The following ZNF678 variants were observed in gnomAD, a reference collection of about 807,000 sequenced individuals.
ZNF678 encodes hypothetical protein MGC42493.
A neutral mutation model predicts 3.0 loss-of-function variants in ZNF678; 5 were observed. The ratio of observed to expected loss-of-function variants is 1.69; its 90% confidence interval spans 0.88 to 3.56. The LOEUF (loss-of-function observed/expected upper bound fraction) is 3.56. Among genes scored for constraint, ZNF678 ranks in the 30% most tolerant of loss-of-function variants. The pLI is 0.00. For missense variants in ZNF678, 593 were observed against 605.0 expected, an observed-to-expected ratio of 0.98 and a Z score of 0.21; for synonymous variants, 218 against 199.6, an observed-to-expected ratio of 1.09 and a Z score of -0.78.
At chr1:227,571,436 G>A (rs1351935095) in intron 1 of ZNF678, among the ~76,000 whole-genome samples, 1 of 152,086 alleles carries the variant, frequency 6.6e-6, no homozygotes, top group East Asian at 1.9e-4. Flanking sequence ...CCTTGACATC[G>A]GTTTATTGTA....
At chr1:227,646,219 A>G (rs1658952163) in intron 1 of ZNF678, among the ~76,000 whole-genome samples, 1 of 152,236 alleles carries the variant, frequency 6.6e-6, no homozygotes, top group Non-Finnish European at 1.5e-5. Context: ...GGCACTTCAG[A>G]TGATTTTTCC....
chr1:227,671,036 T>G (rs1428914753), intron 5 of ZNF678, among the ~76,000 whole-genome samples: 1 of 150,504 alleles, frequency 6.6e-6, no homozygotes, highest in Non-Finnish European at 1.5e-5. Context: ...CTTGGGAGGC[T>G]CCATTTGTTA....
intron 1 of ZNF678, among the ~76,000 whole-genome samples, chr1:227,579,869 A>C (rs1657082039): frequency 6.6e-6 from 1 of 152,186 alleles, no homozygotes; most frequent in Non-Finnish European, 1.5e-5. Flanking sequence ...TACTGGAGCA[A>C]GTTGAGCCTG....
downstream of ZNF678, among the ~76,000 whole-genome samples, chr1:227,678,780 C>T (rs2102824572): frequency 6.6e-6 from 1 of 152,288 alleles, no homozygotes; most frequent in Middle Eastern, 3.4e-3. Context: ...ATTGGAGTCC[C>T]TAGAGGTGTG....
chr1:227,607,025 A>T (rs1359177505), intron 1 of ZNF678, among the ~76,000 whole-genome samples: 1 of 152,190 alleles, frequency 6.6e-6, no homozygotes, highest in Non-Finnish European at 1.5e-5. Flanking sequence ...CCCCACAGAA[A>T]GTATTTGGGA....
intron 1 of ZNF678, among the ~76,000 whole-genome samples, chr1:227,572,036 C>T (rs1037699270): frequency 1.4e-4 from 21 of 151,944 alleles, no homozygotes; most frequent in African/African-American, 4.6e-4. Context: ...AGCGAGACTC[C>T]GTCTCAAAAA....
chr1:227,636,625 C>T (rs930076300), intron 1 of ZNF678, among the ~76,000 whole-genome samples: 2 of 152,178 alleles, frequency 1.3e-5, no homozygotes, highest in African/African-American at 4.8e-5. Flanking sequence ...CATCTTTTGG[C>T]TTCCTCCTAC....
chr1:227,667,171 G>A (rs1340480374), downstream of ZNF678, among the ~76,000 whole-genome samples: 4 of 151,826 alleles, frequency 2.6e-5, no homozygotes, highest in Non-Finnish European at 4.4e-5. Flanking sequence ...AGCCCCCCAA[G>A]TAGCTGGGAC....
chr1:227,656,893 C>G lies in ZNF678; in HGVS notation c.*1065C>G, dbSNP rs898897297. ...TGCCACAATAATTAACCTATACCAC[C>G]TTACCCAAAGTTGTAGGTAACAGAT... On this transcript the variant is annotated 3_prime_UTR_variant, in exon 4 of 4. Coordinates refer to ENST00000343776, the MANE Select transcript of ZNF678 (RefSeq NM_001367909.1). 2 of 151,922 alleles carry G rather than the reference C, an allele frequency of 1.3e-5. No homozygotes were observed. The highest frequency in any genetic ancestry group is 4.8e-5 in the African/African-American group (2 of 41,404). 9.4% of individuals were successfully genotyped at this position (151,922 alleles called of 1,614,324 possible). A position where few individuals can be genotyped will look rare whatever the true frequency, so the allele number is the denominator to read the frequency against.
intron 1 of ZNF678, among the ~76,000 whole-genome samples, chr1:227,644,879 T>A (rs1024929049): frequency 7.2e-5 from 11 of 152,222 alleles, no homozygotes; most frequent in East Asian, 3.9e-4. Flanking sequence ...GTACCCCATG[T>A]GATCCTAAGG....
intron 1 of ZNF678, among the ~76,000 whole-genome samples, chr1:227,574,674 A>G (rs1656943400): frequency 6.6e-6 from 1 of 151,932 alleles, no homozygotes; most frequent in African/African-American, 2.4e-5. Flanking sequence ...ATCAAATCCC[A>G]TTTGCCAATT....
intron 1 of ZNF678, among the ~76,000 whole-genome samples, chr1:227,608,196 TATCTAGCC>T (rs2102757173): frequency 6.6e-6 from 1 of 152,226 alleles, no homozygotes; most frequent in East Asian, 1.9e-4. Flanking sequence ...CAAAAAGTAT[TATCTAGCC>T]ATCTAGCCAC....
chr1:227,643,035 G>GT (rs1658860800), intron 1 of ZNF678, among the ~76,000 whole-genome samples: 1 of 152,124 alleles, frequency 6.6e-6, no homozygotes, highest in Admixed American at 6.5e-5. Flanking sequence ...TATGTGGCCT[G>GT]TTTTTTTAAA....
chr1:227,654,111 G>T (rs1230943880), intron 3 of ZNF678, among the ~76,000 whole-genome samples: 1 of 151,988 alleles, frequency 6.6e-6, no homozygotes, highest in African/African-American at 2.4e-5. Context: ...TTGCAATTGT[G>T]CTCACCTAGG....
At chr1:227,582,494 T>TC (rs1380884044) in intron 1 of ZNF678, 1 of 149,554 alleles carries the variant, frequency 6.7e-6, no homozygotes, top group Non-Finnish European at 1.5e-5. Context: ...CTAATTTTTT[T>TC]TTTTTTTTTT....
rs1659335846 is a variant in ZNF678, at chr1:227,659,254, G to A, written c.*3426G>A. 4 of 152,026 alleles carry A rather than the reference G, an allele frequency of 2.6e-5. No individual in the cohort carries two copies. The highest frequency in any genetic ancestry group is 1.9e-4 in the East Asian group (1 of 5,188). 9.4% of individuals were successfully genotyped at this position (152,026 alleles called of 1,614,324 possible). ...AAGTTTCTTACTCATATCACAATAT[G>A]TTTTATTTAAATGGATGCAGCTTAC... On this transcript the variant is annotated 3_prime_UTR_variant, in exon 4 of 4. Coordinates refer to ENST00000343776, the MANE Select transcript of ZNF678 (RefSeq NM_001367909.1).
At chr1:227,607,389 A>C (rs376821300) in intron 1 of ZNF678, among the ~76,000 whole-genome samples, 2 of 152,314 alleles carry the variant, frequency 1.3e-5, no homozygotes, top group African/African-American at 4.8e-5. Flanking sequence ...GTCATTTTGC[A>C]TAAGACAAAA....
At position 227,654,883 on chromosome 1, in the gene ZNF678, T is replaced by C. The variant is rs1210983501; in HGVS notation, c.633T>C (p.Cys211=). 1.2e-6 allele frequency: 2 copies of C among 1,608,802 alleles called. No individual in the cohort carries two copies. Among genetic ancestry groups the C allele is most frequent in the Non-Finnish European group, 1.7e-6 (2 of 1,179,080 alleles). The change falls in exon 4 of 4, where the codon TGT becomes TGC. Residue 211 remains cysteine, a synonymous_variant. Coordinates refer to ENST00000343776, the MANE Select transcript of ZNF678 (RefSeq NM_001367909.1). ...ATAGTGGAGAGAAACCATACCCATG[T>C]GAAGAATGTGGCAAAGCCTTTACCC... is the stretch of plus-strand genomic sequence containing the variant. ...KIHSGEKPYP[C]EECGKAFTQF...
chr1:227,591,026 C>T lies in ZNF678; in HGVS notation c.-164+27302C>T, dbSNP rs528181417. On this transcript the variant is annotated intron_variant, in intron 1 of 3. Transcript: ENST00000343776. Reference sequence around the variant, plus strand: ...TCCTATGGCCATTGATCTCCTATTACAGTTCCTCCACATACATAACATGAA... The same window carrying T: ...TCCTATGGCCATTGATCTCCTATTATAGTTCCTCCACATACATAACATGAA... Among the ~76,000 whole-genome samples, 17 of 151,916 alleles carry T rather than the reference C, an allele frequency of 1.1e-4. 1 individual carries two copies. Among genetic ancestry groups the T allele is most frequent in the African/African-American group, 4.1e-4 (17 of 41,298 alleles).
Sources: allele counts gnomAD v4.1 joint callset (sites outside exome capture counted in the v4.1 genomes callset), GRCh38; gene constraint gnomAD v4.1.1; transcripts MANE v1.5; gene names NCBI Gene and HGNC (gene_info 2026-07-23, HGNC 2026-07-21).